PIAS1: variants seen among roughly 807,000 people sequenced by gnomAD.
The protein encoded by PIAS1 is protein inhibitor of activated STAT 1.
Under a neutral mutation model 71.3 loss-of-function variants are expected in PIAS1, and 6 were observed. The observed-to-expected ratio is 0.08, with a 90% CI of 0.05 to 0.17. The LOEUF (loss-of-function observed/expected upper bound fraction) is 0.17. PIAS1 is among the 10% of genes least tolerant of loss of function. PIAS1 has a pLI of 1.00. For synonymous variants in PIAS1, 303 were observed against 292.9 expected (o/e 1.03, Z -0.35); for missense variants, 555 against 793.6 (o/e 0.70, Z 3.61).
rs746702868 is a variant in PIAS1 at position 68,175,622 on chromosome 15, A to G, written c.1170-15A>G. 5.8e-6 allele frequency: 8 copies of G among 1,375,220 alleles called. No homozygotes were observed. The highest frequency in any genetic ancestry group is 1.8e-4 in the Middle Eastern group (1 of 5,478). The allele number at this position is 1,375,220 out of a possible 1,614,324, so 85.2% of individuals were successfully genotyped here. A position where few individuals can be genotyped will look rare whatever the true frequency, so the allele number is the denominator to read the frequency against. ...CATTTAAAATATATTCTAAGGATGA[A>G]TTGTTTTCTTATAGCTTGTTTATGG... is the stretch of plus-strand genomic sequence containing the variant. On this transcript the variant is annotated splice_polypyrimidine_tract_variant and intron_variant, in intron 9 of 13. Coordinates refer to ENST00000249636, the MANE Select transcript of PIAS1 (RefSeq NM_016166.3).
intron 1 of PIAS1, among the ~76,000 whole-genome samples, chr15:68,078,187 A>G (rs977700251): frequency 6.6e-6 from 1 of 152,176 alleles, no homozygotes; most frequent in Non-Finnish European, 1.5e-5. Context: ...TGAAAAGTGA[A>G]TGATGATTGT....
intron 8 of PIAS1, among the ~76,000 whole-genome samples, chr15:68,172,936 T>G (rs1441960449): frequency 2.0e-5 from 3 of 152,202 alleles, no homozygotes; most frequent in Non-Finnish European, 4.4e-5. Context: ...CTCGTGATGG[T>G]TCCCAGTGAG....
intron 2 of PIAS1, among the ~76,000 whole-genome samples, chr15:68,130,506 C>A (rs2092682333): frequency 6.6e-6 from 1 of 151,578 alleles, no homozygotes; most frequent in Non-Finnish European, 1.5e-5. Context: ...TATCAAAGAA[C>A]TACTTTTTAA....
At chr15:68,073,751 T>G (rs189933410) in intron 1 of PIAS1, among the ~76,000 whole-genome samples, 1 of 152,274 alleles carries the variant, frequency 6.6e-6, no homozygotes, top group East Asian at 1.9e-4. Context: ...AGATGGGGCC[T>G]CTGAGTGCAG....
At chr15:68,164,324 T>C (rs182248598) in intron 7 of PIAS1, among the ~76,000 whole-genome samples, 9 of 152,280 alleles carry the variant, frequency 5.9e-5, no homozygotes, top group Admixed American at 3.3e-4. Flanking sequence ...GTTATTCTTA[T>C]TATTAATGTC....
At chr15:68,122,794 C>T (rs988925262) in intron 2 of PIAS1, among the ~76,000 whole-genome samples, 6 of 152,096 alleles carry the variant, frequency 3.9e-5, no homozygotes, top group Non-Finnish European at 7.4e-5. Context: ...ACCCAAAATA[C>T]ATTTTTGGAA....
chr15:68,142,313 A>G lies in PIAS1; in HGVS notation c.578A>G (p.Asp193Gly). 2 of 1,605,150 alleles carry G rather than the reference A, an allele frequency of 1.2e-6. No homozygotes were observed. Among genetic ancestry groups the G allele is most frequent in the South Asian group, 2.2e-5 (2 of 90,760 alleles). The change falls in exon 4 of 14, where the codon GAC (aspartate) becomes GGC (glycine). Residue 193 changes from aspartate to glycine, a missense_variant. Asp to Gly is a moderately conservative substitution (Grantham distance 94). This residue lies in a region of PIAS1 where 134 missense variants were observed against 203.4 expected (regional missense o/e 0.66). Transcript: ENST00000249636. Reference protein sequence around the residue: ...SSMDISGTKCDFTVQVQLRFC... With the variant: ...SSMDISGTKCGFTVQVQLRFC... Reference sequence around the variant, plus strand: ...AGGGATATTTCTGGGACCAAATGTGACTTCACAGTACAGGTCCAGTTAAGG... The same window carrying G: ...AGGGATATTTCTGGGACCAAATGTGGCTTCACAGTACAGGTCCAGTTAAGG...
rs147092125 is a variant in PIAS1, at chr15:68,075,442, A to C, written c.25-10864A>C. 4.0e-3 allele frequency among the ~76,000 whole-genome samples: 604 copies of C among 152,282 alleles called. 10 individuals are homozygous for C. The highest frequency in any genetic ancestry group is 0.014 in the African/African-American group (588 of 41,566). The stretch of plus-strand genomic sequence containing the variant: ...GTAGTAACTTTGTAAATTTTACTTT[A>C]AATCATAAAACTTAAATTTTAATCA... On this transcript the variant is annotated intron_variant, in intron 1 of 13. Coordinates refer to ENST00000249636, the MANE Select transcript of PIAS1 (RefSeq NM_016166.3).
chr15:68,093,049 T>A (rs1210759620), intron 2 of PIAS1, among the ~76,000 whole-genome samples: 1 of 152,230 alleles, frequency 6.6e-6, no homozygotes, highest in Non-Finnish European at 1.5e-5. Context: ...TTGACAGTGA[T>A]GACTTCGCAG....
At chr15:68,149,297 G>A (rs941203249) in intron 6 of PIAS1, among the ~76,000 whole-genome samples, 4 of 151,716 alleles carry the variant, frequency 2.6e-5, no homozygotes, top group Non-Finnish European at 5.9e-5. Flanking sequence ...AACCACACTG[G>A]CAGGGCTGAC....
At chr15:68,152,981 A>G (rs1428553417) in intron 6 of PIAS1, among the ~76,000 whole-genome samples, 1 of 138,874 alleles carries the variant, frequency 7.2e-6, no homozygotes, top group Non-Finnish European at 1.5e-5. Context: ...TCATCTGTTC[A>G]TTTGCCAAAC....
chr15:68,131,563 T>C (rs933979918), intron 2 of PIAS1, among the ~76,000 whole-genome samples: 1 of 152,260 alleles, frequency 6.6e-6, no homozygotes, highest in Non-Finnish European at 1.5e-5. Flanking sequence ...TTTGATTGTT[T>C]TAGATTCCAC....
chr15:68,057,720 T>G, intron 1 of PIAS1: 1 of 224,488 alleles, frequency 4.5e-6, no homozygotes, highest in South Asian at 4.9e-5. Flanking sequence ...GGATTTGATT[T>G]GAATCTCTAT....
At chr15:68,158,623 C>A (rs1311518891) in intron 7 of PIAS1, among the ~76,000 whole-genome samples, 1 of 151,956 alleles carries the variant, frequency 6.6e-6, no homozygotes, top group South Asian at 2.1e-4. Flanking sequence ...CATAGTAGAT[C>A]TGCATATTTT....
chr15:68,150,388 T>G (rs1012579554), intron 6 of PIAS1, among the ~76,000 whole-genome samples: 2 of 152,178 alleles, frequency 1.3e-5, no homozygotes, highest in Non-Finnish European at 2.9e-5. Context: ...TCTGGGGAAG[T>G]AAAACACTAA....
chr15:68,104,379 G>C (rs768546024), intron 2 of PIAS1, among the ~76,000 whole-genome samples: 4 of 151,844 alleles, frequency 2.6e-5, no homozygotes, highest in Admixed American at 6.6e-5. Flanking sequence ...TATTTCTGTA[G>C]GTAGTTACTA....
intron 6 of PIAS1, among the ~76,000 whole-genome samples, chr15:68,147,495 T>C (rs1452366232): frequency 1.3e-5 from 2 of 152,126 alleles, no homozygotes; most frequent in East Asian, 1.9e-4. Context: ...GTTTCCAGTT[T>C]GTTGGCCTTT....
intron 2 of PIAS1, among the ~76,000 whole-genome samples, chr15:68,139,999 A>G (rs764665355): frequency 6.6e-6 from 1 of 152,146 alleles, no homozygotes; most frequent in Non-Finnish European, 1.5e-5. Flanking sequence ...TATAGACTTC[A>G]CTGTCATTTG....
chr15:68,067,818 C>T (rs2092045838), intron 1 of PIAS1, among the ~76,000 whole-genome samples: 1 of 152,120 alleles, frequency 6.6e-6, no homozygotes, highest in African/African-American at 2.4e-5. Context: ...ATAGAGCATT[C>T]TAAAACCTTG....
Sources: gnomAD v4.1 joint callset for allele counts (sites outside exome capture counted in the v4.1 genomes callset) on GRCh38, gnomAD v4.1.1 for gene constraint, gnomAD v4.1.1 regional missense constraint, MANE v1.5 for transcripts, NCBI Gene and HGNC (gene_info 2026-07-23, HGNC 2026-07-21) for gene names.